Variants in SRL observed in about 807,000 individuals in gnomAD.
SRL encodes sarcalumenin.
SRL carries 23 observed loss-of-function variants against 39.5 expected under a neutral mutation model. That is an observed-to-expected ratio of 0.58 (90% CI 0.42 to 0.82). SRL has a LOEUF of 0.82. Ranked by LOEUF, SRL falls within the 40% of genes least tolerant of loss-of-function variation. SRL has a pLI of 0.00. For missense variants in SRL, 592 were observed against 607.8 expected (o/e 0.97, Z 0.27); for synonymous variants, 272 against 237.4 (o/e 1.15, Z -1.34).
chr16:4,207,884 T>A (rs1042729324), intron 1 of SRL: 2 of 456,476 alleles, frequency 4.4e-6, no homozygotes, highest in Non-Finnish European at 4.4e-6. Flanking sequence ...AGAGGCTGGC[T>A]TCAGGATCGG....
At chr16:4,238,623 C>CTTT (rs113546099) in intron 1 of SRL, among the ~76,000 whole-genome samples, 9 of 143,808 alleles carry the variant, frequency 6.3e-5, no homozygotes, top group African/African-American at 1.3e-4. Flanking sequence ...CCCGGTGCCA[C>CTTT]TTTTTTTTTT....
chr16:4,231,984 G>T (rs560528951), intron 1 of SRL, among the ~76,000 whole-genome samples: 77 of 152,178 alleles, frequency 5.1e-4, no homozygotes, highest in Non-Finnish European at 9.0e-4. Context: ...AGAAACAAAC[G>T]CAGAGATAGT....
intron 1 of SRL, among the ~76,000 whole-genome samples, chr16:4,213,791 G>A (rs1323587179): frequency 6.6e-6 from 1 of 152,204 alleles, no homozygotes; most frequent in Non-Finnish European, 1.5e-5. Flanking sequence ...ATCTTTCCAA[G>A]GTAGTTTCCT....
chr16:4,227,579 G>C (rs75687346), intron 1 of SRL, among the ~76,000 whole-genome samples: 1,601 of 152,042 alleles, frequency 0.011, 18 homozygotes, highest in Non-Finnish European at 0.016. Context: ...GGACAGATGG[G>C]TGAATGGAAG....
chr16:4,192,825 TA>T lies in SRL; in HGVS notation c.749del (p.Ile250LysfsTer5). On this transcript the variant is annotated frameshift_variant, in exon 6 of 6. Coordinates refer to ENST00000399609, the MANE Select transcript of SRL (RefSeq NM_001098814.2). LOFTEE classifies it high-confidence loss of function. The surrounding 1 kb of genome is among the most constrained non-coding windows in gnomAD (Gnocchi z 4.0). ...FRQLKGRESQ[I>X]RIILNKADNL... ...TGTCAGCCTTGTTCAGGATGATCCTTATCTGGGATTCACGCCCCTTCAACTG... is the reference window on the plus strand; with the variant it reads ...TGTCAGCCTTGTTCAGGATGATCCTTTCTGGGATTCACGCCCCTTCAACTG... The T allele has an allele frequency of 3.1e-6, 5 of 1,614,172 alleles. No homozygotes were observed. The highest frequency in any genetic ancestry group is 4.2e-6 in the Non-Finnish European group (5 of 1,180,034).
At chr16:4,199,364 C>CA (rs2052191136) in intron 3 of SRL, among the ~76,000 whole-genome samples, 1 of 84,604 alleles carries the variant, frequency 1.2e-5, no homozygotes, top group African/African-American at 4.1e-5. Flanking sequence ...TATTCCCCAT[C>CA]TTTTTTTTTT....
intron 1 of SRL, chr16:4,207,208 C>T (rs558211940): frequency 6.6e-6 from 3 of 456,954 alleles, no homozygotes; most frequent in Non-Finnish European, 1.3e-5. Flanking sequence ...CCTTCTTCCT[C>T]GCTTCCACTT....
In SRL at chr16:4,197,884, C is replaced by G. The variant is rs141483186; in HGVS notation, c.291G>C (p.Leu97=). 2.3e-3 allele frequency: 3,682 copies of G among 1,613,910 alleles called. 10 individuals carry two copies. The highest frequency in any genetic ancestry group is 2.3e-3 in the Non-Finnish European group (2,734 of 1,179,780). The part of the protein sequence containing the change: ...DGEITSKPMV[L]FLGPWSVGKS... ...TACCAACACTCCACGGTCCCAGGAACAGTACCATGGGCTTGGAGGTAATCT... is the reference window on the plus strand; with the variant it reads ...TACCAACACTCCACGGTCCCAGGAAGAGTACCATGGGCTTGGAGGTAATCT... The change falls in exon 4 of 6, where the codon CTG becomes CTC. Residue 97 remains leucine (L), a synonymous_variant. Coordinates refer to ENST00000399609, the MANE Select transcript of SRL (RefSeq NM_001098814.2).
chr16:4,204,593 G>A lies in SRL; in HGVS notation c.103C>T (p.Arg35Cys), dbSNP rs374860871. 143 of 1,614,124 alleles carry A rather than the reference G, an allele frequency of 8.9e-5. 1 individual carries two copies. The highest frequency in any genetic ancestry group is 5.0e-4 in the Admixed American group (30 of 60,024). ...ATGAGGGTCTTCTCGATGTGGGAGC[G>A]GTCCCTCAATGGGGCTTCTTCATTT... ...DANEEAPLRD[R>C]SHIEKTLMLN... is the part of the protein sequence containing the mutation. The change falls in exon 2 of 6, where the codon CGC becomes TGC. Residue 35 changes from arginine (R) to cysteine (C), a missense_variant. Arg to Cys is a radical substitution (Grantham distance 180). Coordinates refer to ENST00000399609, the MANE Select transcript of SRL (RefSeq NM_001098814.2).
chr16:4,216,119 C>T (rs1275257072), intron 1 of SRL, among the ~76,000 whole-genome samples: 1 of 152,048 alleles, frequency 6.6e-6, no homozygotes, highest in Non-Finnish European at 1.5e-5. Flanking sequence ...TCACTCCTCA[C>T]CCCACCTCCA....
intron 1 of SRL, among the ~76,000 whole-genome samples, chr16:4,239,271 C>T (rs1207864094): frequency 1.3e-5 from 2 of 152,210 alleles, no homozygotes; most frequent in East Asian, 1.9e-4. Flanking sequence ...GAGCTGTGGG[C>T]ACTCACAGAG....
intron 1 of SRL, among the ~76,000 whole-genome samples, chr16:4,212,419 C>T (rs1313193021): frequency 6.6e-6 from 1 of 152,206 alleles, no homozygotes; most frequent in Non-Finnish European, 1.5e-5. Flanking sequence ...CGATTACACT[C>T]ACTTCCATCG....
At chr16:4,213,404 C>CTTTTTCTT (rs1237775177) in intron 1 of SRL, among the ~76,000 whole-genome samples, 23 of 69,590 alleles carry the variant, frequency 3.3e-4, no homozygotes, top group African/African-American at 1.6e-3. Flanking sequence ...TTTTCTTTTT[C>CTTTTTCTT]TTTTTTTTTT....
chr16:4,208,680 A>G (rs1036204222), intron 1 of SRL, among the ~76,000 whole-genome samples: 1 of 152,184 alleles, frequency 6.6e-6, no homozygotes, highest in Non-Finnish European at 1.5e-5. Context: ...CACGGTGCTT[A>G]AGGGATTACT....
In SRL at chr16:4,189,570, T is replaced by G. The variant is rs538750162; in HGVS notation, c.*2583A>C. On this transcript the variant is annotated 3_prime_UTR_variant, in exon 6 of 6. Transcript: ENST00000399609. ...CTGCTTAAAGCCCCCTCCACGGAGC[T>G]GGCCAGAAACCAGACACTGAGTATC... 1 of 151,968 alleles carries G rather than the reference T, an allele frequency of 6.6e-6. No individual in the cohort carries two copies. The highest frequency in any genetic ancestry group is 2.1e-4 in the South Asian group (1 of 4,810). The allele number at this position is 151,968 out of a possible 1,614,324, so 9.4% of individuals were successfully genotyped here.
At chr16:4,238,647 C>A (rs1172690660) in intron 1 of SRL, among the ~76,000 whole-genome samples, 1 of 148,782 alleles carries the variant, frequency 6.7e-6, no homozygotes, top group Non-Finnish European at 1.5e-5. Flanking sequence ...TTCCTTGAGA[C>A]AAGGTCTCGC....
intron 1 of SRL, among the ~76,000 whole-genome samples, chr16:4,235,415 G>A (rs1284800593): frequency 6.6e-6 from 1 of 152,228 alleles, no homozygotes; most frequent in Admixed American, 6.5e-5. Context: ...ACCAAAGTCA[G>A]CTGCGTGCAG....
In SRL at chr16:4,191,494, T is replaced by G. The variant is rs1039427433; in HGVS notation, c.*659A>C. ...TGGGCATGGTGGTAGGCCTATAATC[T>G]CAGCTACTCAGGAGGCTGAGGCAGG... On this transcript the variant is annotated 3_prime_UTR_variant, in exon 6 of 6. Transcript: ENST00000399609. 1.3e-5 allele frequency: 2 copies of G among 152,348 alleles called. No homozygotes were observed. Among genetic ancestry groups the G allele is most frequent in the Non-Finnish European group, 2.9e-5 (2 of 68,198 alleles). 9.4% of individuals were successfully genotyped at this position (152,348 alleles called of 1,614,324 possible).
rs187325414 is a variant in SRL, at chr16:4,230,142, G to A, written c.61+11865C>T. 2.7e-3 allele frequency among the ~76,000 whole-genome samples: 418 copies of A among 152,060 alleles called. 2 individuals carry two copies. The highest frequency in any genetic ancestry group is 9.6e-3 in the African/African-American group (399 of 41,474). On this transcript the variant is annotated intron_variant, in intron 1 of 5. Transcript: ENST00000399609. ...TCCTACCTACCACCACTACTAGGCC[G>A]GGCTACCTCCTGAGATTCTCTGCCT...
Sources: gnomAD v4.1 joint callset for allele counts (sites outside exome capture counted in the v4.1 genomes callset) on GRCh38, gnomAD v4.1.1 for gene constraint, Gnocchi (gnomAD v3.1) non-coding constraint, MANE v1.5 for transcripts, NCBI Gene and HGNC (gene_info 2026-07-23, HGNC 2026-07-21) for gene names.